IFFO1: variants seen among roughly 807,000 people sequenced by gnomAD.
The protein encoded by IFFO1 is intermediate filament family orphan 1.
IFFO1 carries 42 observed loss-of-function variants against 59.6 expected under a neutral mutation model. The ratio of observed to expected loss-of-function variants is 0.70; its 90% CI spans 0.55 to 0.91. The LOEUF (loss-of-function observed/expected upper bound fraction) is 0.91, where lower values mean the gene tolerates loss of function less well. Ranked by LOEUF, IFFO1 falls within the 40% of genes least tolerant of loss-of-function variation. IFFO1 has a pLI of 0.00. For missense variants in IFFO1, 711 were observed against 793.2 expected (o/e 0.90, Z 1.24); for synonymous variants, 336 against 342.8 (o/e 0.98, Z 0.22).
intron 8 of IFFO1, among the ~76,000 whole-genome samples, chr12:6,545,084 A>G (rs761878555): frequency 2.0e-5 from 3 of 151,908 alleles, no homozygotes; most frequent in Non-Finnish European, 4.4e-5. Context: ...GCGTAGTGGC[A>G]GGCGCCTGTA....
At position 6,555,237 on chromosome 12, in the gene IFFO1, C is replaced by T. The variant is rs1330697645; in HGVS notation, c.773+20G>A. 2 of 1,612,528 alleles carry T rather than the reference C, an allele frequency of 1.2e-6. No individual in the cohort carries two copies. Among genetic ancestry groups the T allele is most frequent in the Non-Finnish European group, 1.7e-6 (2 of 1,178,742 alleles). ...AGTGGTATGACACAGAGAGACCTGT[C>T]CCCCTTTCCCAATCCCTACCTCCGC... On this transcript the variant is annotated intron_variant, in intron 1 of 9. Transcript: ENST00000619571. The surrounding 1 kb of genome is among the most constrained non-coding windows in gnomAD (Gnocchi z 8.6).
chr12:6,549,720 C>A lies in IFFO1; in HGVS notation c.1071+36G>T. 1 of 1,591,286 alleles carries A rather than the reference C, an allele frequency of 6.3e-7. No homozygotes were observed. Among genetic ancestry groups the A allele is most frequent in the Non-Finnish European group, 8.6e-7 (1 of 1,163,778 alleles). ...GCCACGGAAGCATCCACCTGCCCCA[C>A]CCACCCCTGAGAGCAGAGGGCAGCT... On this transcript the variant is annotated intron_variant, in intron 4 of 9. Coordinates refer to ENST00000619571, the MANE Select transcript of IFFO1 (RefSeq NM_001193457.2). The surrounding 1 kb of genome is among the most constrained non-coding windows in gnomAD (Gnocchi z 5.0).
At position 6,550,745 on chromosome 12, in the gene IFFO1, C is replaced by G; in HGVS notation, c.880G>C (p.Val294Leu). 6.2e-7 allele frequency: 1 copy of G among 1,614,228 alleles called. No homozygotes were observed. Among genetic ancestry groups the G allele is most frequent in the Non-Finnish European group, 8.5e-7 (1 of 1,180,038 alleles). The change falls in exon 3 of 10, where the codon GTG becomes CTG. Residue 294 changes from valine to leucine, a missense_variant. Physicochemically the swap from Val to Leu is conservative, Grantham distance 32. Transcript: ENST00000619571. ...ACCAGCTCAGCCTTCAACTGTTCCA[C>G]CTTCAGTGCCAGCTCCTCCTGGCAG... is the stretch of plus-strand genomic sequence containing the variant. ...DACQEELALK[V>L]EQLKAELVVF...
rs764669357 is a variant in IFFO1 at position 6,540,549 on chromosome 12, C to A, written c.1650G>T (p.Pro550=). 6.2e-7 allele frequency: 1 copy of A among 1,613,964 alleles called. No individual in the cohort carries two copies. The highest frequency in any genetic ancestry group is 1.1e-5 in the South Asian group (1 of 91,082). Residue 550 remains proline (P), a synonymous_variant, in exon 10 of 10, where the codon CCG becomes CCT. Coordinates refer to ENST00000619571, the MANE Select transcript of IFFO1 (RefSeq NM_001193457.2). ...CCTCAGCCTCGCTTGGCGGCGGCGG[C>A]GGGTCGCTAAGCGGGACCGCAGTGA... ...PAFTAVPLSD[P]PPPPSEAEDS...
rs1946701686 is a variant in IFFO1, at chr12:6,541,356, C to G, written c.1610+156G>C. ...CTCATCCAACTGCCAAGGGAGAGAG[C>G]TGTGGGTCTGGGCCAGCCCCACCAG... On this transcript the variant is annotated intron_variant, in intron 9 of 9. Coordinates refer to ENST00000619571, the MANE Select transcript of IFFO1 (RefSeq NM_001193457.2). This position sits in a 1 kb window ranked among gnomAD's most constrained non-coding sequence, Gnocchi z 4.8. 6.6e-6 allele frequency among the ~76,000 whole-genome samples: 1 copy of G among 152,198 alleles called. No homozygotes were observed. Among genetic ancestry groups the G allele is most frequent in the South Asian group, 2.1e-4 (1 of 4,836 alleles).
chr12:6,547,783 AG>A (rs1234457429), intron 8 of IFFO1, among the ~76,000 whole-genome samples: 1 of 147,710 alleles, frequency 6.8e-6, no homozygotes, highest in Non-Finnish European at 1.5e-5. Flanking sequence ...AAGGAAAGAA[AG>A]GAAAGGAAAG....
At position 6,540,263 on chromosome 12, in the gene IFFO1, GGAAATGGCCCCAGAATGGTA is replaced by G. The variant is rs1417934692; in HGVS notation, c.*200_*219del. On this transcript the variant is annotated 3_prime_UTR_variant, in exon 10 of 10. Transcript: ENST00000619571. ...AAGGCAGGAGAGCCCCAACTGTGGT[GGAAATGGCCCCAGAATGGTA>G]GGGCCAAGCCTAGCTCCAGACACCC... 1 of 582,112 alleles carries G rather than the reference GGAAATGGCCCCAGAATGGTA, an allele frequency of 1.7e-6. No homozygotes were observed. The highest frequency in any genetic ancestry group is 1.9e-5 in the African/African-American group (1 of 53,024). 36.1% of individuals were successfully genotyped at this position (582,112 alleles called of 1,614,324 possible).
downstream of IFFO1, chr12:6,539,506 G>A (rs1043155217): frequency 6.6e-6 from 1 of 151,694 alleles, no homozygotes; most frequent in Non-Finnish European, 1.5e-5. Flanking sequence ...ATTAGGAAGT[G>A]CTTGAGACAG....
At position 6,549,158 on chromosome 12, in the gene IFFO1, TAAA is replaced by T. The variant is rs1160088754; in HGVS notation, c.1081-312_1081-310del. 1 of 490,608 alleles carries T rather than the reference TAAA, an allele frequency of 2.0e-6. No homozygotes were observed. The allele number at this position is 490,608 out of a possible 1,614,324, so 30.4% of individuals were successfully genotyped here. ...GATGGCTCAAGAGGAAATTTTTTTC[TAAA>T]AAAAGTCTTTTTGATTAAATGACTC... On this transcript the variant is annotated intron_variant, in intron 5 of 9. Transcript: ENST00000619571. The surrounding 1 kb of genome is among the most constrained non-coding windows in gnomAD (Gnocchi z 5.0).
intron 8 of IFFO1, among the ~76,000 whole-genome samples, chr12:6,544,446 G>A (rs1946861905): frequency 6.6e-6 from 1 of 152,200 alleles, no homozygotes; most frequent in South Asian, 2.1e-4. Context: ...TGGGATTACA[G>A]GCGAGAGCCA....
rs1433689007 is a variant in IFFO1 at position 6,541,290 on chromosome 12, GCCTTGGGAGGTTTCAGC to G, written c.1610+205_1610+221del. ...ACCAGGGGAACCACCAGAGCTGGTG[GCCTTGGGAGGTTTCAGC>G]CCTCCCGTCATGAATGGACATAGCT... is the stretch of plus-strand genomic sequence containing the variant. On this transcript the variant is annotated intron_variant, in intron 9 of 9. Coordinates refer to ENST00000619571, the MANE Select transcript of IFFO1 (RefSeq NM_001193457.2). This position sits in a 1 kb window ranked among gnomAD's most constrained non-coding sequence, Gnocchi z 4.8. Among the ~76,000 whole-genome samples the G allele has an allele frequency of 6.6e-6, 1 of 152,150 alleles. No individual in the cohort carries two copies. Among genetic ancestry groups the G allele is most frequent in the Non-Finnish European group, 1.5e-5 (1 of 68,022 alleles).
chr12:6,546,471 C>T (rs1946968891), intron 8 of IFFO1, among the ~76,000 whole-genome samples: 1 of 152,206 alleles, frequency 6.6e-6, no homozygotes, highest in Admixed American at 6.5e-5. Flanking sequence ...TCTGTGGTTC[C>T]ACAAATCCTT....
In IFFO1 at chr12:6,556,001, A is replaced by C; in HGVS notation, c.29T>G (p.Phe10Cys). 6.3e-7 allele frequency: 1 copy of C among 1,579,900 alleles called. No homozygotes were observed. The highest frequency in any genetic ancestry group is 8.5e-7 in the Non-Finnish European group (1 of 1,170,816). Residue 10 changes from phenylalanine to cysteine, a missense_variant, in exon 1 of 10, where the codon TTC becomes TGC. Coordinates refer to ENST00000619571, the MANE Select transcript of IFFO1 (RefSeq NM_001193457.2). MNPLFGPNLFLLQQEQQGLA... is the reference protein window; with the variant it reads MNPLFGPNLCLLQQEQQGLA... ...GCCCTGCTGCTCCTGCTGCAGGAGG[A>C]AGAGGTTGGGGCCGAATAACGGATT...
intron 8 of IFFO1, among the ~76,000 whole-genome samples, chr12:6,547,018 C>T (rs1387817797): frequency 6.6e-6 from 1 of 152,188 alleles, no homozygotes; most frequent in East Asian, 1.9e-4. Context: ...ATGCTACACT[C>T]GCTATGAGCC....
In IFFO1 at chr12:6,548,548, A is replaced by G; in HGVS notation, c.1263-3T>C. The G allele has an allele frequency of 6.2e-7, 1 of 1,613,332 alleles. No individual in the cohort carries two copies. Among genetic ancestry groups the G allele is most frequent in the Non-Finnish European group, 8.5e-7 (1 of 1,179,496 alleles). On this transcript the variant is annotated splice_polypyrimidine_tract_variant and splice_region_variant and intron_variant, in intron 6 of 9. Transcript: ENST00000619571. This position sits in a 1 kb window ranked among gnomAD's most constrained non-coding sequence, Gnocchi z 6.1. ...CGTCCTCAAAATCATACTCCCTCCT[A>G]GAGACAGGGAACCCGGGTGTCAGGG...
intron 8 of IFFO1, among the ~76,000 whole-genome samples, chr12:6,543,274 C>T (rs999330930): frequency 1.3e-5 from 2 of 152,140 alleles, no homozygotes; most frequent in African/African-American, 4.8e-5. Flanking sequence ...GCAGAAGTCC[C>T]CAAACCCCAG....
rs1395020731 is a variant in IFFO1 at position 6,545,689 on chromosome 12, C to A, written c.1479+2376G>T. Among the ~76,000 whole-genome samples the A allele has an allele frequency of 2.7e-5, 4 of 146,834 alleles. No individual in the cohort carries two copies. The East Asian group carries it at 8.1e-4, about 30-fold the overall frequency. The stretch of plus-strand genomic sequence containing the variant: ...CTCCAGCCTGGGTGACACAGCGAGA[C>A]TCCGTCTCGGAAAAAAAAAAAAAAA... On this transcript the variant is annotated intron_variant, in intron 8 of 9. Coordinates refer to ENST00000619571, the MANE Select transcript of IFFO1 (RefSeq NM_001193457.2).
chr12:6,551,880 C>T (rs1947255524), intron 1 of IFFO1: 1 of 220,940 alleles, frequency 4.5e-6, no homozygotes, highest in Admixed American at 5.3e-5. Context: ...CTTCCCAGAG[C>T]CAGCTTTGTC....
intron 8 of IFFO1, among the ~76,000 whole-genome samples, chr12:6,547,714 G>C (rs1947029177): frequency 6.6e-6 from 1 of 150,572 alleles, no homozygotes; most frequent in African/African-American, 2.5e-5. Flanking sequence ...AGGGAGAGAG[G>C]GAGGGAGGGA....
Sources: allele counts gnomAD v4.1 joint callset (sites outside exome capture counted in the v4.1 genomes callset), GRCh38; gene constraint gnomAD v4.1.1; non-coding constraint Gnocchi (gnomAD v3.1); transcripts MANE v1.5; gene names NCBI Gene and HGNC (gene_info 2026-07-23, HGNC 2026-07-21).